UBAP2: variants seen among roughly 807,000 people sequenced by gnomAD.
UBAP2 encodes ubiquitin associated protein 2, also known as ubiquitin-associated protein 2.
Under a neutral mutation model 139.6 loss-of-function variants are expected in UBAP2, and 75 were observed. That is an observed-to-expected ratio of 0.54 (90% CI 0.45 to 0.65). The LOEUF (loss-of-function observed/expected upper bound fraction) is 0.65, where lower values mean the gene tolerates loss of function less well. Ranked by LOEUF, UBAP2 falls within the 30% of genes least tolerant of loss-of-function variation. The pLI is 0.00. For missense variants in UBAP2, 1,368 were observed against 1,369.6 expected, an observed-to-expected ratio of 1.00 and a Z score of 0.02; for synonymous variants, 526 against 526.2, an observed-to-expected ratio of 1.00 and a Z score of 0.01.
intron 6 of UBAP2, among the ~76,000 whole-genome samples, chr9:33,984,776 T>G (rs1263178203): frequency 6.6e-6 from 1 of 151,762 alleles, no homozygotes; most frequent in African/African-American, 2.4e-5. Context: ...ATCAATAAAA[T>G]ACAAATGAAA....
intron 6 of UBAP2, among the ~76,000 whole-genome samples, chr9:33,980,216 A>ATTTTTTTTTTTTTTTTT (rs1554686508): frequency 2.6e-5 from 2 of 77,310 alleles, no homozygotes; most frequent in African/African-American, 4.3e-5. Flanking sequence ...CCTGAGTGTC[A>ATTTTTTTTTTTTTTTTT]TTTCTTTTTT....
rs1460936467 is a variant in UBAP2, at chr9:34,038,918, G to A, written c.-42+9907C>T. Among the ~76,000 whole-genome samples the A allele has an allele frequency of 4.7e-5, 6 of 127,612 alleles. No individual in the cohort carries two copies. The South Asian group carries it at 9.3e-4, about 20-fold the overall frequency. The allele number at this position is 127,612 out of a possible 152,430, so 83.7% of individuals were successfully genotyped here. On this transcript the variant is annotated intron_variant, in intron 1 of 28. Transcript: ENST00000379238. ...CCACCCCGTCTGGGATGTGGGGAGC[G>A]CCTCTGCCCCGCCACCCCATCTGGG...
chr9:33,922,184 A>T lies in UBAP2; in HGVS notation c.*320T>A. On this transcript the variant is annotated 3_prime_UTR_variant, in exon 29 of 29. Transcript: ENST00000379238. ...CCCCTAGTGGCCCACTGGGCAGTGC[A>T]GGCTGTGAAGAAGACCTGAAGGCAG... 2.8e-6 allele frequency: 1 copy of T among 351,140 alleles called. No individual in the cohort carries two copies. The highest frequency in any genetic ancestry group is 5.4e-6 in the Non-Finnish European group (1 of 186,476). The allele number at this position is 351,140 out of a possible 1,614,324, so 21.8% of individuals were successfully genotyped here. A position where few individuals can be genotyped will look rare whatever the true frequency, so the allele number is the denominator to read the frequency against.
At chr9:33,945,116 CA>C (rs1825553369) in intron 13 of UBAP2, among the ~76,000 whole-genome samples, 1 of 148,080 alleles carries the variant, frequency 6.8e-6, no homozygotes, top group East Asian at 2.0e-4. Flanking sequence ...GATGACAAAA[CA>C]AGACCATGTC....
intron 13 of UBAP2, among the ~76,000 whole-genome samples, chr9:33,945,961 T>G (rs892720838): frequency 2.6e-5 from 4 of 152,250 alleles, no homozygotes; most frequent in African/African-American, 9.6e-5. Context: ...AGTTGCCCCT[T>G]CACAGGGTAA....
At chr9:34,020,947 C>G (rs1313330604) in intron 1 of UBAP2, among the ~76,000 whole-genome samples, 1 of 152,112 alleles carries the variant, frequency 6.6e-6, no homozygotes, top group Admixed American at 6.6e-5. Context: ...CAGGACCCGG[C>G]CGGAATTCTG....
At chr9:33,990,933 G>A (rs1480001738) in intron 4 of UBAP2, among the ~76,000 whole-genome samples, 1 of 152,012 alleles carries the variant, frequency 6.6e-6, no homozygotes, top group Non-Finnish European at 1.5e-5. Context: ...CACTGCGCCT[G>A]GCCTATTTGG....
chr9:33,988,789 C>T lies in UBAP2; in HGVS notation c.442+184G>A, dbSNP rs143111805. Among the ~76,000 whole-genome samples, 1,170 of 152,282 alleles carry T rather than the reference C, an allele frequency of 7.7e-3. 10 individuals carry two copies. The highest frequency in any genetic ancestry group is 0.013 in the Non-Finnish European group (886 of 68,024). ...TAGAACAAATTCTGCATTGAGGAAA[C>T]GAATTTATGAGCATACTATGGACTA... On this transcript the variant is annotated intron_variant, in intron 5 of 28. Coordinates refer to ENST00000379238, the MANE Select transcript of UBAP2 (RefSeq NM_001370062.2).
intron 6 of UBAP2, among the ~76,000 whole-genome samples, chr9:33,982,996 G>A (rs570649064): frequency 4.6e-5 from 7 of 150,766 alleles, no homozygotes; most frequent in Non-Finnish European, 7.4e-5. Flanking sequence ...TCTCTGCCCC[G>A]GCCTCCAAGT....
In UBAP2 at chr9:34,030,246, C is replaced by T. The variant is rs369247749; in HGVS notation, c.-41-13057G>A. Among the ~76,000 whole-genome samples, 55 of 151,926 alleles carry T rather than the reference C, an allele frequency of 3.6e-4. No individual in the cohort carries two copies. The East Asian group carries it at 9.8e-3, about 27-fold the overall frequency. On this transcript the variant is annotated intron_variant, in intron 1 of 28. Coordinates refer to ENST00000379238, the MANE Select transcript of UBAP2 (RefSeq NM_001370062.2). ...AGATCACGGGGTCAGGAGATCGAGACCACCCTGGCTAACACGGTGATACCC... is the reference window on the plus strand; with the variant it reads ...AGATCACGGGGTCAGGAGATCGAGATCACCCTGGCTAACACGGTGATACCC...
Position 34,001,691 on chromosome 9 carries a change from T to C in UBAP2, c.100-2827A>G, listed in dbSNP as rs147617593. ...ACAAAATGAAAGTAGACTGTTAGTG[T>C]CCCTGTTGCAAGAAGCCTGTATGAA... On this transcript the variant is annotated intron_variant, in intron 2 of 28. Coordinates refer to ENST00000379238, the MANE Select transcript of UBAP2 (RefSeq NM_001370062.2). Among the ~76,000 whole-genome samples, 33 of 152,280 alleles carry C rather than the reference T, an allele frequency of 2.2e-4. No individual in the cohort carries two copies. In the East Asian group the frequency reaches 5.2e-3, roughly 24 times the overall value.
chr9:33,940,421 A>T lies in UBAP2; in HGVS notation c.1929+1228T>A, dbSNP rs141067561. 1.4e-3 allele frequency among the ~76,000 whole-genome samples: 213 copies of T among 152,338 alleles called. 1 individual carries two copies. The highest frequency in any genetic ancestry group is 4.5e-3 in the African/African-American group (189 of 41,580). ...ATTTACTCAGAAACCTTGGACATAC[A>T]GAGTTGTTGAGCTGAAATCCTAAGC... On this transcript the variant is annotated intron_variant, in intron 16 of 28. Coordinates refer to ENST00000379238, the MANE Select transcript of UBAP2 (RefSeq NM_001370062.2).
chr9:33,929,664 AAT>A (rs1336403554), intron 19 of UBAP2, among the ~76,000 whole-genome samples: 1 of 152,162 alleles, frequency 6.6e-6, no homozygotes, highest in East Asian at 1.9e-4. Context: ...CTAATATAGA[AAT>A]AGAGACCAAA....
At chr9:33,954,269 T>TACACACACACACACAC (rs60078088) in intron 11 of UBAP2, among the ~76,000 whole-genome samples, 6,511 of 139,740 alleles carry the variant, frequency 0.047, 214 homozygotes, top group Admixed American at 0.057. Context: ...TGTGTGTATA[T>TACACACACACACACAC]ACACACACAC....
At chr9:33,987,165 C>T (rs764282605) in intron 5 of UBAP2, among the ~76,000 whole-genome samples, 7 of 152,104 alleles carry the variant, frequency 4.6e-5, no homozygotes, top group Admixed American at 6.6e-5. Context: ...AATTCCAGCA[C>T]TTTGGGAGGC....
At chr9:34,041,524 C>T (rs1827091255) in intron 1 of UBAP2, among the ~76,000 whole-genome samples, 1 of 150,766 alleles carries the variant, frequency 6.6e-6, no homozygotes, top group South Asian at 2.1e-4. Flanking sequence ...TGGTGAAACC[C>T]CGTCTCTACT....
chr9:33,976,072 TG>T (rs1460386758), intron 6 of UBAP2, among the ~76,000 whole-genome samples: 6 of 151,984 alleles, frequency 3.9e-5, no homozygotes, highest in Non-Finnish European at 4.4e-5. Flanking sequence ...TTTTAATAAA[TG>T]TTTTTTTAAG....
chr9:33,943,525 C>T lies in UBAP2; in HGVS notation c.1610G>A (p.Gly537Glu). The change falls in exon 15 of 29, where the codon GGG becomes GAG. Residue 537 changes from glycine to glutamate, a missense_variant. Physicochemically the swap from Gly to Glu is moderately conservative, Grantham distance 98. Transcript: ENST00000379238. Reference protein sequence around the residue: ...ADVTGLNVQFGALEFGSEPSL... With the variant: ...ADVTGLNVQFEALEFGSEPSL... ...AGGTTCTGACCCAAATTCCAGAGCC[C>T]CAAACTGCACATTTAATCCTGTGAC... The T allele has an allele frequency of 6.2e-7, 1 of 1,614,110 alleles. No homozygotes were observed. The highest frequency in any genetic ancestry group is 8.5e-7 in the Non-Finnish European group (1 of 1,180,020).
rs142519059 is a variant in UBAP2 at position 33,930,770 on chromosome 9, C to G, written c.2175+1792G>C. Among the ~76,000 whole-genome samples, 887 of 151,860 alleles carry G rather than the reference C, an allele frequency of 5.8e-3. 7 individuals carry two copies. The highest frequency in any genetic ancestry group is 0.019 in the African/African-American group (806 of 41,386). On this transcript the variant is annotated intron_variant, in intron 19 of 28. Transcript: ENST00000379238. ...AATTATCCGGGCATGGTGGTATGCG[C>G]CTGTAACCCCAGCTACTCAGGAGAC... is the stretch of plus-strand genomic sequence containing the variant.
Sources: gnomAD v4.1 joint callset for allele counts (sites outside exome capture counted in the v4.1 genomes callset) on GRCh38, gnomAD v4.1.1 for gene constraint, MANE v1.5 for transcripts, NCBI Gene and HGNC (gene_info 2026-07-23, HGNC 2026-07-21) for gene names.